Variants in MRTFB observed in about 807,000 individuals in gnomAD.
MRTFB encodes the protein myocardin-related transcription factor B.
A neutral mutation model predicts 104.2 loss-of-function variants in MRTFB; 29 were observed. The ratio of observed to expected loss-of-function variants is 0.28; its 90% CI spans 0.21 to 0.38. The LOEUF (loss-of-function observed/expected upper bound fraction) is 0.38, where lower values mean the gene tolerates loss of function less well. Ranked by LOEUF, MRTFB falls within the 10% of genes least tolerant of loss-of-function variation. The pLI is 1.00. For synonymous variants in MRTFB, 535 were observed against 519.5 expected, an observed-to-expected ratio of 1.03 and a Z score of -0.41; for missense variants, 1,270 against 1,341.6, an observed-to-expected ratio of 0.95 and a Z score of 0.83.
At chr16:14,237,300 A>G (rs2042561476) in intron 9 of MRTFB, among the ~76,000 whole-genome samples, 1 of 152,198 alleles carries the variant, frequency 6.6e-6, no homozygotes, top group Admixed American at 6.5e-5. Context: ...AGCAAAGGAG[A>G]CTCAGCAAAA....
At chr16:14,137,596 G>A (rs1279145245) in intron 2 of MRTFB, among the ~76,000 whole-genome samples, 1 of 152,030 alleles carries the variant, frequency 6.6e-6, no homozygotes, top group African/African-American at 2.4e-5. Flanking sequence ...TGAAAATTCA[G>A]AGTTTTGAAA....
chr16:14,229,145 C>T (rs1400721102), intron 8 of MRTFB, among the ~76,000 whole-genome samples: 2 of 152,166 alleles, frequency 1.3e-5, no homozygotes, highest in African/African-American at 4.8e-5. Context: ...CCAATCAGGT[C>T]ATCAAGTACC....
chr16:14,148,289 G>A (rs1488038097), intron 3 of MRTFB, among the ~76,000 whole-genome samples: 2 of 152,098 alleles, frequency 1.3e-5, no homozygotes, highest in Non-Finnish European at 2.9e-5. Flanking sequence ...GTGGGGCTCC[G>A]TTTACTTATG....
At chr16:14,016,285 C>CCTAGAAGA in the MRTFB span, among the ~76,000 whole-genome samples, 1 of 151,710 alleles carries the variant, frequency 6.6e-6, no homozygotes, top group African/African-American at 2.4e-5. Flanking sequence ...ACCAATAACA[C>CCTAGAAGA]CTAGAAGACC....
chr16:14,183,138 T>G (rs2039824544), intron 3 of MRTFB, among the ~76,000 whole-genome samples: 1 of 152,158 alleles, frequency 6.6e-6, no homozygotes, highest in Non-Finnish European at 1.5e-5. Flanking sequence ...ATCATCAGTT[T>G]TGAGACAATT....
intron 7 of MRTFB, 58 bp downstream of exon 7, chr16:14,217,345 TAAAAC>T: frequency 6.2e-6 from 9 of 1,456,988 alleles, no homozygotes; most frequent in South Asian, 1.4e-5. Flanking sequence ...AAATTTTAGA[TAAAAC>T]AAATATAATT....
intron 7 of MRTFB, 119 bp downstream of exon 7, chr16:14,217,406 A>G (rs1435447440): frequency 3.7e-6 from 3 of 800,698 alleles, no homozygotes; most frequent in Non-Finnish European, 5.6e-6. Flanking sequence ...GGTTAATTAG[A>G]AATTAACACA....
the MRTFB span, among the ~76,000 whole-genome samples, chr16:14,025,896 C>A: frequency 1.4e-4 from 22 of 152,216 alleles, no homozygotes; most frequent in African/African-American, 5.3e-4. Context: ...GGGAAAAAAA[C>A]CCTTAGGATA....
At chr16:14,140,155 A>G (rs2037920122) in intron 2 of MRTFB, among the ~76,000 whole-genome samples, 1 of 152,202 alleles carries the variant, frequency 6.6e-6, no homozygotes, top group Admixed American at 6.5e-5. Flanking sequence ...AATGTTGACT[A>G]ATTTAAACTT....
intron 8 of MRTFB, among the ~76,000 whole-genome samples, chr16:14,220,828 A>G (rs913330180): frequency 1.3e-5 from 2 of 152,202 alleles, no homozygotes; most frequent in African/African-American, 4.8e-5. Flanking sequence ...GGATGTTAAC[A>G]GTTCCTATGT....
intron 2 of MRTFB, among the ~76,000 whole-genome samples, chr16:14,080,228 T>C (rs1306646935): frequency 6.6e-6 from 1 of 152,250 alleles, no homozygotes; most frequent in Non-Finnish European, 1.5e-5. Context: ...ATGGCTTACC[T>C]GTCCTCTAAA....
Position 14,164,451 on chromosome 16 carries a change from G to A in MRTFB, c.154+23691G>A, listed in dbSNP as rs147515824. 2.4e-3 allele frequency among the ~76,000 whole-genome samples: 359 copies of A among 152,050 alleles called. 1 individual carries two copies. Among genetic ancestry groups the A allele is most frequent in the South Asian group, 6.9e-3 (33 of 4,808 alleles). ...ATTCTGTTGTGTGTTTGCCATGTGT[G>A]TGCGGGGGTGGGGGATGGGGGTGTT... On this transcript the variant is annotated intron_variant, in intron 3 of 16. Coordinates refer to ENST00000571589, the MANE Select transcript of MRTFB (RefSeq NM_001308142.2).
chr16:14,026,845 G>A, the MRTFB span, among the ~76,000 whole-genome samples: 3 of 151,210 alleles, frequency 2.0e-5, no homozygotes, highest in African/African-American at 7.3e-5. Context: ...CAAAGCTATG[G>A]TGAGCTACAA....
the MRTFB span, among the ~76,000 whole-genome samples, chr16:14,044,400 G>A: frequency 6.6e-6 from 1 of 152,152 alleles, no homozygotes; most frequent in African/African-American, 2.4e-5. Flanking sequence ...TATTCATGGC[G>A]CCGATCTTCA....
Position 14,247,003 on chromosome 16 carries a change from C to G in MRTFB, c.1743C>G (p.Ile581Met). Residue 581 changes from isoleucine (I) to methionine (M), a missense_variant, in exon 12 of 17, where the codon ATC becomes ATG. Physicochemically the swap from Ile to Met is conservative, Grantham distance 10. Transcript: ENST00000571589. The stretch of plus-strand genomic sequence containing the variant: ...AGCTTCAGGAGAAAGAGAAGCAAAT[C>G]GAAGAGCTGAAGAGGAAACTGGAAC... ...DRKLQEKEKQIEELKRKLEQE... is the reference protein window; with the variant it reads ...DRKLQEKEKQMEELKRKLEQE... The G allele has an allele frequency of 1.2e-6, 2 of 1,614,130 alleles. No individual in the cohort carries two copies. The highest frequency in any genetic ancestry group is 1.1e-5 in the South Asian group (1 of 91,070).
chr16:14,158,676 G>T (rs1057440872), intron 3 of MRTFB, among the ~76,000 whole-genome samples: 59 of 152,068 alleles, frequency 3.9e-4, no homozygotes, highest in Non-Finnish European at 7.6e-4. Flanking sequence ...ATAATCATAT[G>T]CAAAGCTAAA....
intron 9 of MRTFB, among the ~76,000 whole-genome samples, chr16:14,239,743 G>T (rs1318281338): frequency 6.6e-6 from 1 of 152,114 alleles, no homozygotes; most frequent in Non-Finnish European, 1.5e-5. Context: ...ATATCATTCA[G>T]TATTTGTTTT....
At chr16:14,200,298 G>A (rs527523298) in intron 3 of MRTFB, 12 of 1,600,332 alleles carry the variant, frequency 7.5e-6, no homozygotes, top group African/African-American at 2.7e-5. Context: ...GTTCCGACCC[G>A]GACCCGTACG....
At chr16:14,008,770 G>C in the MRTFB span, among the ~76,000 whole-genome samples, 1 of 152,068 alleles carries the variant, frequency 6.6e-6, no homozygotes, top group East Asian at 1.9e-4. Flanking sequence ...AATTTGAGAA[G>C]TTTTGCTATC....
Sources: allele counts gnomAD v4.1 joint callset (sites outside exome capture counted in the v4.1 genomes callset), GRCh38; gene constraint gnomAD v4.1.1; transcripts MANE v1.5; gene names NCBI Gene and HGNC (gene_info 2026-07-23, HGNC 2026-07-21).